The following FZD3 variants were observed in gnomAD, a reference collection of about 807,000 sequenced individuals.
The protein encoded by FZD3 is frizzled-3.
Under a neutral mutation model 60.7 loss-of-function variants are expected in FZD3, and 30 were observed. The observed-to-expected ratio is 0.49, with a 90% CI of 0.37 to 0.67. The LOEUF (loss-of-function observed/expected upper bound fraction) is 0.67, where lower values mean the gene tolerates loss of function less well. Among genes scored for constraint, FZD3 ranks in the 30% least tolerant of loss-of-function variants. The probability of loss-of-function intolerance (pLI) is 0.00; values close to 1 mark genes in which losing one functional copy is unlikely to be tolerated. For synonymous variants in FZD3, 246 were observed against 275.2 expected, an observed-to-expected ratio of 0.89 and a Z score of 1.05; for missense variants, 605 against 838.7, an observed-to-expected ratio of 0.72 and a Z score of 3.44.
At chr8:28,497,897 T>C (rs906823590) in intron 1 of FZD3, among the ~76,000 whole-genome samples, 2 of 152,216 alleles carry the variant, frequency 1.3e-5, no homozygotes, top group Non-Finnish European at 2.9e-5. Flanking sequence ...AAGACAGTCT[T>C]CCAAGATTGG....
intron 7 of FZD3, among the ~76,000 whole-genome samples, chr8:28,557,041 T>G (rs1370093606): frequency 6.6e-6 from 1 of 151,852 alleles, no homozygotes; most frequent in Non-Finnish European, 1.5e-5. Flanking sequence ...CTGAAAGATA[T>G]TTAGAAAGAA....
chr8:28,557,650 C>T (rs1334332251), intron 7 of FZD3, among the ~76,000 whole-genome samples: 1 of 152,124 alleles, frequency 6.6e-6, no homozygotes, highest in Non-Finnish European at 1.5e-5. Flanking sequence ...TATTTTTCTT[C>T]TCCCTAATCC....
intron 1 of FZD3, among the ~76,000 whole-genome samples, chr8:28,495,210 G>A (rs1012386148): frequency 1.7e-4 from 26 of 152,286 alleles, no homozygotes; most frequent in African/African-American, 6.3e-4. Context: ...TTGTTTTTAA[G>A]AACAAAAGCA....
chr8:28,549,348 C>A (rs1435916938), intron 5 of FZD3, among the ~76,000 whole-genome samples: 1 of 152,132 alleles, frequency 6.6e-6, no homozygotes, highest in African/African-American at 2.4e-5. Flanking sequence ...TAGCCCATAA[C>A]AATGGTAAAT....
intron 3 of FZD3, among the ~76,000 whole-genome samples, chr8:28,513,990 C>G (rs1339140878): frequency 6.6e-6 from 1 of 152,148 alleles, no homozygotes; most frequent in African/African-American, 2.4e-5. Context: ...AGAATGGTAG[C>G]ACAAAGGCTT....
At chr8:28,500,985 C>T (rs942148197) in intron 2 of FZD3, among the ~76,000 whole-genome samples, 2 of 152,212 alleles carry the variant, frequency 1.3e-5, no homozygotes, top group Admixed American at 6.5e-5. Flanking sequence ...TGGTCTTGAA[C>T]TCCTGACCTC....
At chr8:28,557,963 G>T (rs147603406) in intron 7 of FZD3, among the ~76,000 whole-genome samples, 1 of 152,158 alleles carries the variant, frequency 6.6e-6, no homozygotes, top group African/African-American at 2.4e-5. Flanking sequence ...TGAAAGCTTC[G>T]CAAAAGAGAT....
chr8:28,516,885 A>G (rs1804443192), intron 3 of FZD3, among the ~76,000 whole-genome samples: 1 of 152,114 alleles, frequency 6.6e-6, no homozygotes, highest in African/African-American at 2.4e-5. Context: ...TTTGACTTAT[A>G]ATATTCTAAT....
At position 28,527,542 on chromosome 8, in the gene FZD3, G is replaced by A. The variant is rs750699469; in HGVS notation, c.782G>A (p.Arg261Gln). ...IFFIGFLLED[R>Q]VACNASIPAQ... ...TTCATTGGATTTTTGCTTGAAGATC[G>A]AGTAGCCTGCAATGCATCCATCCCT... The change falls in exon 5 of 8, where the codon CGA (arginine) becomes CAA (glutamine). Residue 261 changes from arginine to glutamine, a missense_variant. Coordinates refer to ENST00000240093, the MANE Select transcript of FZD3 (RefSeq NM_017412.4). This position sits in a 1 kb window ranked among gnomAD's most constrained non-coding sequence, Gnocchi z 5.0. The A allele has an allele frequency of 1.8e-5, 29 of 1,613,740 alleles. No individual in the cohort carries two copies. The highest frequency in any genetic ancestry group is 8.9e-5 in the East Asian group (4 of 44,892).
chr8:28,553,588 C>T (rs972721450), intron 6 of FZD3, among the ~76,000 whole-genome samples: 48 of 152,034 alleles, frequency 3.2e-4, no homozygotes, highest in African/African-American at 1.0e-3. Context: ...AGTTAGTTTG[C>T]GGGGATACTG....
At chr8:28,550,872 AATTTG>A in intron 5 of FZD3, among the ~76,000 whole-genome samples, 1 of 152,244 alleles carries the variant, frequency 6.6e-6, no homozygotes, top group Non-Finnish European at 1.5e-5. Context: ...TTATTCTATT[AATTTG>A]ATTTAAGGCT....
chr8:28,500,995 C>T (rs1359054389), intron 2 of FZD3, among the ~76,000 whole-genome samples: 7 of 152,106 alleles, frequency 4.6e-5, no homozygotes, highest in Non-Finnish European at 1.0e-4. Flanking sequence ...CTCCTGACCT[C>T]GTGATCCGCC....
intron 1 of FZD3, among the ~76,000 whole-genome samples, chr8:28,499,577 T>C (rs892081757): frequency 3.9e-5 from 6 of 152,150 alleles, no homozygotes; most frequent in African/African-American, 1.4e-4. Flanking sequence ...GCTTTTGATA[T>C]AAGTAGCCAC....
intron 5 of FZD3, among the ~76,000 whole-genome samples, chr8:28,540,912 C>T (rs1378387033): frequency 6.6e-6 from 1 of 152,178 alleles, no homozygotes; most frequent in Admixed American, 6.5e-5. Context: ...CACCACTGCA[C>T]TCCAGCCTGG....
chr8:28,552,369 G>C (rs552513601), intron 6 of FZD3, among the ~76,000 whole-genome samples: 1 of 152,178 alleles, frequency 6.6e-6, no homozygotes, highest in African/African-American at 2.4e-5. Flanking sequence ...TGGCCATACT[G>C]CATATTACAG....
At chr8:28,501,562 T>A in intron 2 of FZD3, among the ~76,000 whole-genome samples, 1 of 152,190 alleles carries the variant, frequency 6.6e-6, no homozygotes. Context: ...ATGAAACAAA[T>A]TGAAATAAAA....
Position 28,550,725 on chromosome 8 carries a change from C to T in FZD3, c.1405-878C>T, listed in dbSNP as rs192880921. On this transcript the variant is annotated intron_variant, in intron 5 of 7. Transcript: ENST00000240093. ...CAGGCTGGTCTTGAACCCCTGACCTCAGATGATCTGCCTGCCTCGGCTTCC... is the reference window on the plus strand; with the variant it reads ...CAGGCTGGTCTTGAACCCCTGACCTTAGATGATCTGCCTGCCTCGGCTTCC... 2.3e-4 allele frequency among the ~76,000 whole-genome samples: 35 copies of T among 152,082 alleles called. No homozygotes were observed. In the East Asian group the frequency reaches 6.8e-3, roughly 29 times the overall value.
chr8:28,498,278 C>T (rs998772280), intron 1 of FZD3, among the ~76,000 whole-genome samples: 2 of 148,070 alleles, frequency 1.4e-5, no homozygotes, highest in African/African-American at 2.6e-5. Flanking sequence ...TCTAATAGGT[C>T]CCCCCCCTTT....
chr8:28,563,310 C>G lies in FZD3; in HGVS notation c.*299C>G, dbSNP rs1805649691. ...CCACTCATTTTATATTTAGAAAAAT[C>G]CTAAATGTGTGGTGACTGCTTTGTA... On this transcript the variant is annotated 3_prime_UTR_variant, in exon 8 of 8. Transcript: ENST00000240093. 5.8e-6 allele frequency: 2 copies of G among 342,992 alleles called. No individual in the cohort carries two copies. The highest frequency in any genetic ancestry group is 1.1e-5 in the Non-Finnish European group (2 of 179,444). 21.2% of individuals were successfully genotyped at this position (342,992 alleles called of 1,614,324 possible).
Sources: allele counts gnomAD v4.1 joint callset (sites outside exome capture counted in the v4.1 genomes callset), GRCh38; gene constraint gnomAD v4.1.1; non-coding constraint Gnocchi (gnomAD v3.1); transcripts MANE v1.5; gene names NCBI Gene and HGNC (gene_info 2026-07-23, HGNC 2026-07-21).